IQSEC1: variants seen among roughly 807,000 people sequenced by gnomAD.
The protein encoded by IQSEC1 is IQ motif and SEC7 domain-containing protein 1.
Under a neutral mutation model 91.0 loss-of-function variants are expected in IQSEC1, and 31 were observed. The ratio of observed to expected loss-of-function variants is 0.34; its 90% CI spans 0.26 to 0.46. The LOEUF (loss-of-function observed/expected upper bound fraction) is 0.46, where lower values mean the gene tolerates loss of function less well. IQSEC1 is among the 20% of genes least tolerant of loss of function. The pLI is 1.00. For synonymous variants in IQSEC1, 699 were observed against 662.6 expected (o/e 1.05, Z -0.84); for missense variants, 1,388 against 1,575.6 (o/e 0.88, Z 2.02).
In IQSEC1 at chr3:12,960,978, G is replaced by A. The variant is rs1468081793; in HGVS notation, c.24-19113C>T. On this transcript the variant is annotated intron_variant, in intron 1 of 13. Coordinates refer to ENST00000613206, the MANE Select transcript of IQSEC1 (RefSeq NM_001134382.3). ...TTGCCCTGGCCACACATCCAGGAAA[G>A]GGCAGAAACAGGATCCAAGTTTCTC... is the stretch of plus-strand genomic sequence containing the variant. Among the ~76,000 whole-genome samples the A allele has an allele frequency of 2.0e-5, 3 of 152,236 alleles. No homozygotes were observed. The East Asian group carries it at 5.8e-4, about 29-fold the overall frequency.
chr3:13,234,276 C>A (rs1694885257), intron 1 of IQSEC1, among the ~76,000 whole-genome samples: 1 of 148,228 alleles, frequency 6.7e-6, no homozygotes, highest in Non-Finnish European at 1.5e-5. Flanking sequence ...GGGTGTGAGT[C>A]CCCGTGTCTG....
intron 2 of IQSEC1, among the ~76,000 whole-genome samples, chr3:13,094,583 G>A (rs1012201048): frequency 7.9e-5 from 12 of 152,144 alleles, no homozygotes; most frequent in Admixed American, 2.6e-4. Flanking sequence ...GCCAGACCCT[G>A]CACTAAGTAC....
intron 1 of IQSEC1, among the ~76,000 whole-genome samples, chr3:13,201,118 C>G (rs80277236): frequency 0.015 from 2,306 of 152,324 alleles, 55 homozygotes; most frequent in African/African-American, 0.051. Context: ...GTGAGTCTCA[C>G]TCTTCCATCT....
intron 1 of IQSEC1, among the ~76,000 whole-genome samples, chr3:13,034,712 A>G (rs1458102873): frequency 2.6e-5 from 4 of 152,142 alleles, no homozygotes; most frequent in Admixed American, 1.3e-4. Context: ...CTTCACTGCA[A>G]CTATTCTGCT....
intron 1 of IQSEC1, among the ~76,000 whole-genome samples, chr3:13,175,356 G>A (rs1392089916): frequency 6.6e-6 from 1 of 152,232 alleles, no homozygotes; most frequent in Non-Finnish European, 1.5e-5. Context: ...TATGATGAGT[G>A]ACATCATTCC....
chr3:13,172,840 G>C (rs983258178), intron 1 of IQSEC1, among the ~76,000 whole-genome samples: 4 of 152,124 alleles, frequency 2.6e-5, no homozygotes, highest in Non-Finnish European at 4.4e-5. Context: ...GTGCCTCTGG[G>C]GAGGCCCCTT....
intron 2 of IQSEC1, among the ~76,000 whole-genome samples, chr3:13,105,271 A>C (rs1447981060): frequency 6.6e-6 from 1 of 150,896 alleles, no homozygotes; most frequent in Non-Finnish European, 1.5e-5. Context: ...GGACTCTACC[A>C]CTCTCTACTT....
At chr3:13,144,642 G>A (rs1398231368) in intron 2 of IQSEC1, among the ~76,000 whole-genome samples, 1 of 152,164 alleles carries the variant, frequency 6.6e-6, no homozygotes, top group Non-Finnish European at 1.5e-5. Context: ...AAAGCCCACC[G>A]CGTCCCTTCC....
chr3:13,034,628 C>T (rs961634658), intron 1 of IQSEC1, among the ~76,000 whole-genome samples: 2 of 152,150 alleles, frequency 1.3e-5, no homozygotes, highest in African/African-American at 2.4e-5. Context: ...CCAGGCAGCC[C>T]GTGACTCGCA....
At position 13,211,582 on chromosome 3, in the gene IQSEC1, G is replaced by C. The variant is rs116752249; in HGVS notation, c.273-47449C>G. Reference sequence around the variant, plus strand: ...CTAGTAGGAGCCCACAGGGCCAGCAGGAGAGTCACCATCCTTGCCTCTCCA... The same window carrying C: ...CTAGTAGGAGCCCACAGGGCCAGCACGAGAGTCACCATCCTTGCCTCTCCA... On this transcript the variant is annotated intron_variant, in intron 1 of 15. Coordinates refer to the IQSEC1 transcript ENST00000648114. The surrounding 1 kb of genome is among the most constrained non-coding windows in gnomAD (Gnocchi z 5.3). Among the ~76,000 whole-genome samples the C allele has an allele frequency of 0.012, 1,763 of 152,224 alleles. 16 individuals carry two copies. Among genetic ancestry groups the C allele is most frequent in the Middle Eastern group, 0.037 (11 of 294 alleles).
chr3:13,202,205 G>A (rs1694257149), intron 1 of IQSEC1, among the ~76,000 whole-genome samples: 1 of 152,216 alleles, frequency 6.6e-6, no homozygotes, highest in African/African-American at 2.4e-5. Flanking sequence ...ACTGGTGATG[G>A]TAATGAAAAA....
At chr3:13,149,266 G>T (rs948710890) in intron 2 of IQSEC1, among the ~76,000 whole-genome samples, 7 of 152,150 alleles carry the variant, frequency 4.6e-5, no homozygotes, top group Non-Finnish European at 8.8e-5. Flanking sequence ...ATTCCCAAGG[G>T]CCAGGCTTGC....
At chr3:13,201,894 G>A (rs1253880968) in intron 1 of IQSEC1, among the ~76,000 whole-genome samples, 2 of 152,206 alleles carry the variant, frequency 1.3e-5, no homozygotes, top group African/African-American at 4.8e-5. Flanking sequence ...TGGCTTTTTG[G>A]ATAGCTTTGT....
At chr3:13,135,889 G>A (rs1413916053) in intron 2 of IQSEC1, among the ~76,000 whole-genome samples, 2 of 152,240 alleles carry the variant, frequency 1.3e-5, no homozygotes, top group Non-Finnish European at 2.9e-5. Flanking sequence ...ATCCTCCTGT[G>A]CGCAGACCCC....
Position 12,970,594 on chromosome 3 carries a change from C to G in IQSEC1, c.24-28729G>C, listed in dbSNP as rs1485431214. On this transcript the variant is annotated intron_variant, in intron 1 of 13. Transcript: ENST00000613206. The surrounding 1 kb of genome is among the most constrained non-coding windows in gnomAD (Gnocchi z 4.4). Reference sequence around the variant, plus strand: ...AGCCCAGCCTCCCTGCACAGCCAGCCTCGTGGCCTGGTTCATCTCTCCATC... The same window carrying G: ...AGCCCAGCCTCCCTGCACAGCCAGCGTCGTGGCCTGGTTCATCTCTCCATC... 4.6e-5 allele frequency among the ~76,000 whole-genome samples: 7 copies of G among 152,164 alleles called. 1 individual carries two copies. The South Asian group carries it at 1.5e-3, about 32-fold the overall frequency.
upstream of IQSEC1, among the ~76,000 whole-genome samples, chr3:13,076,294 C>T (rs1327906508): frequency 6.6e-6 from 1 of 152,188 alleles, no homozygotes; most frequent in Non-Finnish European, 1.5e-5. Context: ...CCCAAGTTCA[C>T]CCCTGCCCTT....
intron 1 of IQSEC1, among the ~76,000 whole-genome samples, chr3:12,961,688 C>T (rs762727636): frequency 8.5e-5 from 13 of 152,200 alleles, no homozygotes; most frequent in South Asian, 2.1e-4. Context: ...ACAAGTAATA[C>T]GGTCCAGTTC....
rs182948798 is a variant in IQSEC1 at position 12,917,679 on chromosome 3, T to G, written c.2021-1946A>C. ...TCTGGTGGTTGCCACATTTTGACAGTTTTGAATGGAGATGCTATAAGTATC... is the reference window on the plus strand; with the variant it reads ...TCTGGTGGTTGCCACATTTTGACAGGTTTGAATGGAGATGCTATAAGTATC... On this transcript the variant is annotated intron_variant, in intron 6 of 13. Transcript: ENST00000613206. 1.8e-4 allele frequency among the ~76,000 whole-genome samples: 28 copies of G among 152,320 alleles called. No individual in the cohort carries two copies. In the East Asian group the frequency reaches 5.4e-3, roughly 29 times the overall value.
intron 1 of IQSEC1, among the ~76,000 whole-genome samples, chr3:13,055,984 C>T (rs1042652391): frequency 5.3e-5 from 8 of 152,032 alleles, no homozygotes; most frequent in African/African-American, 1.9e-4. Context: ...ACCACCATTC[C>T]AGCTTCTTCT....
Sources: allele counts gnomAD v4.1 joint callset (sites outside exome capture counted in the v4.1 genomes callset), GRCh38; gene constraint gnomAD v4.1.1; non-coding constraint Gnocchi (gnomAD v3.1); transcripts MANE v1.5; gene names NCBI Gene and HGNC (gene_info 2026-07-23, HGNC 2026-07-21).